Variants in SH3GL2 observed in about 807,000 individuals in gnomAD.
The protein encoded by SH3GL2 is endophilin-A1.
Under a neutral mutation model 46.0 loss-of-function variants are expected in SH3GL2, and 24 were observed. That is an observed-to-expected ratio of 0.52 (90% CI 0.38 to 0.73). The LOEUF is 0.73. SH3GL2 is among the 30% of genes least tolerant of loss of function. The pLI is 0.00. For missense variants in SH3GL2, 413 were observed against 424.2 expected (o/e 0.97, Z 0.23); for synonymous variants, 196 against 147.1 (o/e 1.33, Z -2.40).
chr9:17,638,600 A>G (rs973508041), intron 1 of SH3GL2, among the ~76,000 whole-genome samples: 1 of 152,224 alleles, frequency 6.6e-6, no homozygotes, highest in Admixed American at 6.5e-5. Flanking sequence ...TTAAAGAATG[A>G]GACACTGCCA....
At chr9:17,713,565 A>G (rs1171841108) in intron 1 of SH3GL2, among the ~76,000 whole-genome samples, 1 of 151,456 alleles carries the variant, frequency 6.6e-6, no homozygotes, top group Non-Finnish European at 1.5e-5. Flanking sequence ...TGGTAGTGTC[A>G]TTCCACAAAT....
intron 1 of SH3GL2, among the ~76,000 whole-genome samples, chr9:17,586,163 A>G (rs1409587191): frequency 6.6e-6 from 1 of 152,204 alleles, no homozygotes; most frequent in African/African-American, 2.4e-5. Flanking sequence ...AAGGTTTTAC[A>G]TTTAGTACAA....
chr9:17,793,572 A>C (rs762877989), intron 8 of SH3GL2, 75 bp downstream of exon 8: 3 of 1,442,056 alleles, frequency 2.1e-6, no homozygotes, highest in Non-Finnish European at 1.9e-6. Context: ...AATTTTAGGA[A>C]TAGTCCAATC....
intron 1 of SH3GL2, among the ~76,000 whole-genome samples, chr9:17,624,576 C>T (rs1819236735): frequency 1.3e-5 from 2 of 152,076 alleles, no homozygotes; most frequent in Non-Finnish European, 1.5e-5. Context: ...TCCGTTGGTT[C>T]ATAATTTACC....
chr9:17,791,374 T>A, intron 7 of SH3GL2, 40 bp downstream of exon 7: 5 of 1,257,008 alleles, frequency 4.0e-6, no homozygotes, highest in Non-Finnish European at 5.8e-6. Flanking sequence ...TGCATTTTAT[T>A]GCTATAAAAT....
In SH3GL2 at chr9:17,680,757, G is replaced by T. The variant is rs1466984459; in HGVS notation, c.46-66309G>T. On this transcript the variant is annotated intron_variant, in intron 1 of 8. Transcript: ENST00000380607. The stretch of plus-strand genomic sequence containing the variant: ...TTTTAGATCTTTCCTGCTTTCTCTT[G>T]TGGGCATTTAGTGCTATAAATTTCC... Among the ~76,000 whole-genome samples the T allele has an allele frequency of 3.3e-5, 5 of 151,982 alleles. No homozygotes were observed. The East Asian group carries it at 9.6e-4, about 29-fold the overall frequency.
At chr9:17,696,744 A>G (rs775362448) in intron 1 of SH3GL2, among the ~76,000 whole-genome samples, 10 of 152,124 alleles carry the variant, frequency 6.6e-5, no homozygotes, top group Non-Finnish European at 1.3e-4. Context: ...GGGAACTACA[A>G]TTGAAGATGA....
chr9:17,579,357 C>G lies in SH3GL2; in HGVS notation c.45+70C>G, dbSNP rs1818230479. On this transcript the variant is annotated intron_variant, in intron 1 of 8. Transcript: ENST00000380607. ...CTGCGAGGGGCGCGCTCGGCGCTGG[C>G]CGTCCGGCGGCAGCTTGGGGAGTTC... is the stretch of plus-strand genomic sequence containing the variant. 1.4e-5 allele frequency: 16 copies of G among 1,146,052 alleles called. No homozygotes were observed. The South Asian group carries it at 2.4e-4, about 17-fold the overall frequency. 71.0% of individuals were successfully genotyped at this position (1,146,052 alleles called of 1,614,324 possible). A position where few individuals can be genotyped will look rare whatever the true frequency, so the allele number is the denominator to read the frequency against.
At chr9:17,688,774 A>G (rs1463383600) in intron 1 of SH3GL2, among the ~76,000 whole-genome samples, 2 of 152,130 alleles carry the variant, frequency 1.3e-5, no homozygotes, top group African/African-American at 4.8e-5. Flanking sequence ...ATAGTATTGG[A>G]TCATAACCTG....
intron 2 of SH3GL2, among the ~76,000 whole-genome samples, chr9:17,752,842 C>T (rs978549647): frequency 3.9e-5 from 6 of 152,174 alleles, no homozygotes; most frequent in South Asian, 2.1e-4. Flanking sequence ...TTATTTTTCC[C>T]GATTGTCTCC....
chr9:17,775,704 C>G (rs1478443027), intron 3 of SH3GL2, among the ~76,000 whole-genome samples: 1 of 152,170 alleles, frequency 6.6e-6, no homozygotes, highest in African/African-American at 2.4e-5. Flanking sequence ...AATTAGGTCA[C>G]TAAAAGCAGT....
At chr9:17,683,809 T>C (rs1196122623) in intron 1 of SH3GL2, among the ~76,000 whole-genome samples, 1 of 152,024 alleles carries the variant, frequency 6.6e-6, no homozygotes, top group Non-Finnish European at 1.5e-5. Flanking sequence ...AAAAACACTG[T>C]GGCAAACCAG....
At chr9:17,657,454 CAG>C (rs886668667) in intron 1 of SH3GL2, among the ~76,000 whole-genome samples, 7 of 152,156 alleles carry the variant, frequency 4.6e-5, no homozygotes, top group Admixed American at 2.6e-4. Flanking sequence ...GTACCACAAA[CAG>C]AGGCAGGCTG....
At chr9:17,620,767 G>T (rs904775722) in intron 1 of SH3GL2, among the ~76,000 whole-genome samples, 8 of 152,272 alleles carry the variant, frequency 5.3e-5, no homozygotes, top group African/African-American at 1.9e-4. Context: ...AGGTATCTTG[G>T]TATGAGTGAC....
intron 1 of SH3GL2, among the ~76,000 whole-genome samples, chr9:17,682,345 G>A (rs1347359971): frequency 2.6e-5 from 4 of 152,182 alleles, no homozygotes; most frequent in Non-Finnish European, 5.9e-5. Flanking sequence ...TAAAGCAAAT[G>A]TGGTACATGT....
Position 17,795,750 on chromosome 9 carries a change from A to G in SH3GL2, c.*7A>G, listed in dbSNP as rs748899524. 7.8e-5 allele frequency: 125 copies of G among 1,611,028 alleles called. No individual in the cohort carries two copies. Among genetic ancestry groups the G allele is most frequent in the Middle Eastern group, 6.6e-4 (4 of 6,034 alleles). On this transcript the variant is annotated 3_prime_UTR_variant, in exon 9 of 9. Coordinates refer to ENST00000380607, the MANE Select transcript of SH3GL2 (RefSeq NM_003026.5). ...GGTTGCCCTGCCCCATTAGGATGTT[A>G]TGCTGGCTGGCTCGCCTCCTCTTGA...
chr9:17,793,226 A>G (rs907816409), intron 7 of SH3GL2, 141 bp from the exon 8 acceptor site: 16 of 703,580 alleles, frequency 2.3e-5, no homozygotes, highest in Middle Eastern at 4.1e-4. Flanking sequence ...CAAGAAAACT[A>G]AGGGTCCTTT....
At chr9:17,711,539 A>G (rs1324672957) in intron 1 of SH3GL2, among the ~76,000 whole-genome samples, 2 of 151,834 alleles carry the variant, frequency 1.3e-5, no homozygotes, top group African/African-American at 4.8e-5. Flanking sequence ...TGAGTTTTCT[A>G]GAGTTTTGGA....
chr9:17,643,813 C>A (rs1413946358), intron 1 of SH3GL2, among the ~76,000 whole-genome samples: 2 of 152,120 alleles, frequency 1.3e-5, no homozygotes, highest in Non-Finnish European at 2.9e-5. Flanking sequence ...TGTGTTTCTG[C>A]CAGGTTTTGG....
Sources: allele counts gnomAD v4.1 joint callset (sites outside exome capture counted in the v4.1 genomes callset), GRCh38; gene constraint gnomAD v4.1.1; transcripts MANE v1.5; gene names NCBI Gene and HGNC (gene_info 2026-07-23, HGNC 2026-07-21).